Variants in GOLIM4 observed in about 807,000 individuals in gnomAD.
The protein encoded by GOLIM4 is golgi integral membrane protein 4, also known as 130 kDa golgi-localized phosphoprotein.
Under a neutral mutation model 107.4 loss-of-function variants are expected in GOLIM4, and 71 were observed. The ratio of observed to expected loss-of-function variants is 0.66; its 90% CI spans 0.55 to 0.81. GOLIM4 has a LOEUF of 0.81. Ranked by LOEUF, GOLIM4 falls within the 30% of genes least tolerant of loss-of-function variation. The pLI, the probability that GOLIM4 is intolerant of heterozygous loss-of-function variation, is 0.00. For synonymous variants in GOLIM4, 327 were observed against 294.8 expected (o/e 1.11, Z -1.12); for missense variants, 830 against 826.1 (o/e 1.00, Z -0.06).
chr3:168,028,953 T>A lies in GOLIM4; in HGVS notation c.1513+270A>T, dbSNP rs113427901. Among the ~76,000 whole-genome samples the A allele has an allele frequency of 2.5e-4, 38 of 152,304 alleles. 1 individual carries two copies. Among genetic ancestry groups the A allele is most frequent in the African/African-American group, 8.9e-4 (37 of 41,566 alleles). On this transcript the variant is annotated intron_variant, in intron 11 of 15. Transcript: ENST00000470487. ...TGTTTCCCAAAGCATAATAATCCTA[T>A]AATAATTTGTCAGAAATATTATAAA...
chr3:168,035,151 A>G (rs895903825), intron 8 of GOLIM4, among the ~76,000 whole-genome samples: 3 of 152,232 alleles, frequency 2.0e-5, no homozygotes, highest in East Asian at 1.9e-4. Flanking sequence ...AAAGTCAAAA[A>G]TAACAGATTC....
intron 15 of GOLIM4, 33 bp from the exon 16 acceptor site, chr3:168,010,451 G>C (rs1203169644): frequency 7.3e-7 from 1 of 1,365,708 alleles, no homozygotes; most frequent in Non-Finnish European, 1.0e-6. Flanking sequence ...AAAACTAAGA[G>C]ATAGTATAGA....
At position 168,082,372 on chromosome 3, in the gene GOLIM4, C is replaced by T. The variant is rs143602276; in HGVS notation, c.187+12727G>A. Among the ~76,000 whole-genome samples, 677 of 151,486 alleles carry T rather than the reference C, an allele frequency of 4.5e-3. 5 individuals are homozygous for T. The highest frequency in any genetic ancestry group is 0.017 in the Middle Eastern group (5 of 294). On this transcript the variant is annotated intron_variant, in intron 1 of 15. Transcript: ENST00000470487. ...AAGCCGACTTTCTTTAAAGCTCAGC[C>T]CCTCCTCAAAATATTGTTACTGTGA...
chr3:168,026,461 G>A (rs78606401), intron 12 of GOLIM4, among the ~76,000 whole-genome samples: 2,710 of 152,262 alleles, frequency 0.018, 81 homozygotes, highest in African/African-American at 0.062. Context: ...GAACAAGTGG[G>A]ATTAACCATT....
At chr3:168,090,425 A>T (rs1234347862) in intron 1 of GOLIM4, among the ~76,000 whole-genome samples, 1 of 152,234 alleles carries the variant, frequency 6.6e-6, no homozygotes, top group Non-Finnish European at 1.5e-5. Flanking sequence ...AAAATGCTCA[A>T]CATCACTAAG....
chr3:168,070,319 G>A (rs970657265), intron 1 of GOLIM4, among the ~76,000 whole-genome samples: 16 of 152,180 alleles, frequency 1.1e-4, no homozygotes, highest in African/African-American at 3.6e-4. Flanking sequence ...CTTGAACCCG[G>A]GAGGCAGAGG....
At chr3:168,053,622 T>G (rs909568381) in intron 1 of GOLIM4, among the ~76,000 whole-genome samples, 8 of 152,342 alleles carry the variant, frequency 5.3e-5, no homozygotes, top group African/African-American at 1.9e-4. Flanking sequence ...CGTCTCAGAC[T>G]TCAATACTTT....
chr3:168,054,872 C>T (rs1333210485), intron 1 of GOLIM4, among the ~76,000 whole-genome samples: 3 of 151,958 alleles, frequency 2.0e-5, no homozygotes, highest in Non-Finnish European at 4.4e-5. Context: ...GCAGGTTTTT[C>T]CTGTACTGTT....
intron 1 of GOLIM4, among the ~76,000 whole-genome samples, chr3:168,087,720 A>G (rs1466046323): frequency 6.6e-6 from 1 of 152,194 alleles, no homozygotes; most frequent in Non-Finnish European, 1.5e-5. Context: ...AAAAAGTTAC[A>G]TTAGGTTTCT....
intron 1 of GOLIM4, among the ~76,000 whole-genome samples, chr3:168,065,718 C>A (rs915444070): frequency 6.6e-5 from 10 of 152,140 alleles, no homozygotes; most frequent in Admixed American, 6.6e-4. Flanking sequence ...AACCTGGACA[C>A]AGAGGTGGAA....
At chr3:168,064,823 G>A (rs905797246) in intron 1 of GOLIM4, among the ~76,000 whole-genome samples, 2 of 151,902 alleles carry the variant, frequency 1.3e-5, no homozygotes, top group Non-Finnish European at 2.9e-5. Flanking sequence ...AGAAAACAAA[G>A]AAAAAGAAAT....
intron 11 of GOLIM4, 44 bp from the exon 12 acceptor site, chr3:168,027,881 C>A: frequency 8.1e-7 from 1 of 1,237,296 alleles, no homozygotes; most frequent in Non-Finnish European, 1.2e-6. Flanking sequence ...ATGAATCAAA[C>A]AGGATTTCCC....
chr3:168,042,145 C>A (rs1349901588), intron 5 of GOLIM4, among the ~76,000 whole-genome samples: 1 of 152,150 alleles, frequency 6.6e-6, no homozygotes, highest in Non-Finnish European at 1.5e-5. Flanking sequence ...GTACAGTGAA[C>A]TAGACTACAA....
Position 168,010,368 on chromosome 3 carries a change from G to A in GOLIM4, c.1992C>T (p.Asn664=), listed in dbSNP as rs1336361996. The A allele has an allele frequency of 7.4e-6, 12 of 1,612,336 alleles. No individual in the cohort carries two copies. The highest frequency in any genetic ancestry group is 1.0e-5 in the Non-Finnish European group (12 of 1,178,654). ...AGTGTTCCTCTCGGCCTTTGGGGCG[G>A]TTGTCATCTCGAACTTCTTGCTCTT... The part of the protein sequence containing the change: ...DGEEQEVRDD[N]RPKGREEHYE... Residue 664 remains asparagine (N), a synonymous_variant, in exon 16 of 16, where the codon AAC becomes AAT. Transcript: ENST00000470487.
At chr3:168,062,027 G>C (rs994368993) in intron 1 of GOLIM4, among the ~76,000 whole-genome samples, 2 of 152,156 alleles carry the variant, frequency 1.3e-5, no homozygotes, top group East Asian at 3.8e-4. Flanking sequence ...AGAGCTACCT[G>C]TTTATATCAC....
At chr3:168,062,778 A>C (rs1315608083) in intron 1 of GOLIM4, among the ~76,000 whole-genome samples, 1 of 152,200 alleles carries the variant, frequency 6.6e-6, no homozygotes, top group Non-Finnish European at 1.5e-5. Flanking sequence ...GCACTGAAGC[A>C]AACTATATTT....
intron 1 of GOLIM4, among the ~76,000 whole-genome samples, chr3:168,070,548 T>C (rs1720784276): frequency 6.6e-6 from 1 of 152,234 alleles, no homozygotes; most frequent in Non-Finnish European, 1.5e-5. Flanking sequence ...TAATTTTCTA[T>C]CTGGTGAAAC....
chr3:168,087,285 T>G (rs1721677756), intron 1 of GOLIM4, among the ~76,000 whole-genome samples: 1 of 152,136 alleles, frequency 6.6e-6, no homozygotes, highest in South Asian at 2.1e-4. Flanking sequence ...TTAAATACAA[T>G]AATACAACAA....
At chr3:168,073,628 G>A (rs1247363486) in intron 1 of GOLIM4, among the ~76,000 whole-genome samples, 1 of 152,184 alleles carries the variant, frequency 6.6e-6, no homozygotes, top group East Asian at 1.9e-4. Context: ...AATACAAAAT[G>A]AGATTTCAGC....
Sources: gnomAD v4.1 joint callset for allele counts (sites outside exome capture counted in the v4.1 genomes callset) on GRCh38, gnomAD v4.1.1 for gene constraint, MANE v1.5 for transcripts, NCBI Gene and HGNC (gene_info 2026-07-23, HGNC 2026-07-21) for gene names.